The following CORO2B variants were observed in gnomAD, a reference collection of about 807,000 sequenced individuals.
CORO2B encodes coronin 2B.
A neutral mutation model predicts 58.8 loss-of-function variants in CORO2B; 26 were observed. That is an observed-to-expected ratio of 0.44 (90% CI 0.32 to 0.61). The LOEUF (loss-of-function observed/expected upper bound fraction) is 0.61. Ranked by LOEUF, CORO2B falls within the 20% of genes least tolerant of loss-of-function variation. The pLI is 0.04. For missense variants in CORO2B, 460 were observed against 645.1 expected (o/e 0.71, Z 3.11); for synonymous variants, 242 against 253.8 (o/e 0.95, Z 0.44).
chr15:68,559,661 G>A, the CORO2B span: 13 of 984,650 alleles, frequency 1.3e-5, no homozygotes, highest in Admixed American at 7.4e-4. This position sits in a 1 kb window ranked among gnomAD's most constrained non-coding sequence, Gnocchi z 4.3. Flanking sequence ...TCCCTGTCTG[G>A]GCCTCCGTTT....
chr15:68,631,053 G>T (rs1203891176), intron 1 of CORO2B, among the ~76,000 whole-genome samples: 4 of 152,146 alleles, frequency 2.6e-5, no homozygotes, highest in Non-Finnish European at 1.5e-5. Context: ...TCCCGTGGTG[G>T]TGCAGGGCGG....
chr15:68,722,366 C>T (rs1247143971), intron 11 of CORO2B, among the ~76,000 whole-genome samples: 1 of 152,226 alleles, frequency 6.6e-6, no homozygotes, highest in Non-Finnish European at 1.5e-5. Flanking sequence ...CCTTTATCCA[C>T]AGTTTTAATC....
upstream of CORO2B, among the ~76,000 whole-genome samples, chr15:68,577,378 C>T (rs1899307870): frequency 6.6e-6 from 1 of 152,090 alleles, no homozygotes; most frequent in South Asian, 2.1e-4. Flanking sequence ...AAAATGGGGA[C>T]GGTAATTCTT....
At chr15:68,633,531 A>ACACACACACACACT (rs1555412728) in intron 1 of CORO2B, among the ~76,000 whole-genome samples, 3 of 151,608 alleles carry the variant, frequency 2.0e-5, no homozygotes, top group South Asian at 2.1e-4. Flanking sequence ...ACACACACAC[A>ACACACACACACACT]CACACACACA....
chr15:68,714,132 G>A (rs8028291), intron 6 of CORO2B, 91 bp downstream of exon 6: 12,097 of 792,172 alleles, frequency 0.015, 699 homozygotes, highest in African/African-American at 0.14. Flanking sequence ...GCCTGGGCCC[G>A]CACACCAGCT....
At chr15:68,597,421 G>C (rs1899860638) in intron 1 of CORO2B, among the ~76,000 whole-genome samples, 1 of 152,106 alleles carries the variant, frequency 6.6e-6, no homozygotes, top group Non-Finnish European at 1.5e-5. Flanking sequence ...CAGGGAGATG[G>C]CTTCTACTGT....
At chr15:68,702,366 T>A (rs1355824957) in intron 3 of CORO2B, among the ~76,000 whole-genome samples, 1 of 152,156 alleles carries the variant, frequency 6.6e-6, no homozygotes, top group African/African-American at 2.4e-5. Context: ...ATGCATCCTC[T>A]AGCAACCCCC....
intron 11 of CORO2B, among the ~76,000 whole-genome samples, chr15:68,724,769 A>C (rs1893252307): frequency 6.6e-6 from 1 of 152,228 alleles, no homozygotes; most frequent in Non-Finnish European, 1.5e-5. Context: ...GTTTGAGACC[A>C]AACACAATTG....
At chr15:68,579,350 C>CG in intron 1 of CORO2B, 73 bp downstream of exon 1, 1 of 1,223,100 alleles carries the variant, frequency 8.2e-7, no homozygotes, top group Non-Finnish European at 1.0e-6. Context: ...GCGGGGGGCG[C>CG]GGGGGTGTGG....
chr15:68,695,595 A>G lies in CORO2B; in HGVS notation c.333+339A>G, dbSNP rs79167564. On this transcript the variant is annotated intron_variant, in intron 3 of 11. Transcript: ENST00000261861. Reference sequence around the variant, plus strand: ...AGGGAAAGAATATGAACAAGGAGGGAGGGAGAAAAGGAAGGAACTGGATGG... The same window carrying G: ...AGGGAAAGAATATGAACAAGGAGGGGGGGAGAAAAGGAAGGAACTGGATGG... 1.7e-4 allele frequency among the ~76,000 whole-genome samples: 26 copies of G among 152,248 alleles called. No homozygotes were observed. In the East Asian group the frequency reaches 3.1e-3, roughly 18 times the overall value.
chr15:68,674,906 G>T (rs1902526164), intron 2 of CORO2B, among the ~76,000 whole-genome samples: 1 of 152,106 alleles, frequency 6.6e-6, no homozygotes, highest in South Asian at 2.1e-4. Flanking sequence ...CTCTTTAGGG[G>T]TATTTTTATT....
chr15:68,597,470 G>A (rs1376649568), intron 1 of CORO2B, among the ~76,000 whole-genome samples: 1 of 152,030 alleles, frequency 6.6e-6, no homozygotes, highest in African/African-American at 2.4e-5. Flanking sequence ...AAGGGGTTAA[G>A]CAGCATGCCC....
the CORO2B span, among the ~76,000 whole-genome samples, chr15:68,571,539 TAAAC>T: frequency 6.6e-6 from 1 of 152,228 alleles, no homozygotes; most frequent in African/African-American, 2.4e-5. Flanking sequence ...GATTGGAAAA[TAAAC>T]AAATATGTTA....
intron 2 of CORO2B, among the ~76,000 whole-genome samples, chr15:68,649,240 T>C (rs1167397604): frequency 6.6e-6 from 1 of 152,238 alleles, no homozygotes; most frequent in Non-Finnish European, 1.5e-5. Flanking sequence ...GATATATATC[T>C]TTTTTCAACT....
chr15:68,711,052 C>T (rs772857651), intron 4 of CORO2B, among the ~76,000 whole-genome samples, 171 bp downstream of exon 4: 23 of 152,180 alleles, frequency 1.5e-4, no homozygotes, highest in Non-Finnish European at 3.2e-4. Flanking sequence ...AACTCCTGTG[C>T]ACCCTGTCAT....
At chr15:68,642,118 C>A (rs1241555999) in intron 1 of CORO2B, among the ~76,000 whole-genome samples, 1 of 146,032 alleles carries the variant, frequency 6.8e-6, no homozygotes, top group Non-Finnish European at 1.5e-5. Flanking sequence ...CTCACTGCAA[C>A]CTCTGCCGTC....
upstream of CORO2B, among the ~76,000 whole-genome samples, chr15:68,574,873 AAG>A (rs1195734779): frequency 1.3e-5 from 2 of 152,194 alleles, no homozygotes; most frequent in African/African-American, 4.8e-5. Context: ...CATGCTGAGA[AAG>A]AGGGCTAGGG....
At chr15:68,714,874 C>T (rs1015115105) in intron 7 of CORO2B, among the ~76,000 whole-genome samples, 2 of 152,138 alleles carry the variant, frequency 1.3e-5, no homozygotes, top group African/African-American at 4.8e-5. Context: ...TGAGCTGGAG[C>T]GGGCTTTTAC....
intron 3 of CORO2B, among the ~76,000 whole-genome samples, chr15:68,701,477 A>AAT (rs1892645511): frequency 4.2e-5 from 1 of 23,752 alleles, no homozygotes; most frequent in East Asian, 2.2e-3. Flanking sequence ...ACGCCCGGCT[A>AAT]ATTTTTTTTT....
Sources: gnomAD v4.1 joint callset for allele counts (sites outside exome capture counted in the v4.1 genomes callset) on GRCh38, gnomAD v4.1.1 for gene constraint, Gnocchi (gnomAD v3.1) non-coding constraint, MANE v1.5 for transcripts, NCBI Gene and HGNC (gene_info 2026-07-23, HGNC 2026-07-21) for gene names.